Variants in SLC2A13 observed in about 807,000 individuals in gnomAD.
The protein encoded by SLC2A13 is proton myo-inositol cotransporter.
In SLC2A13, 32 loss-of-function variants were observed where a neutral mutation model predicts 64.4. The observed-to-expected ratio is 0.50, with a 90% CI of 0.37 to 0.67. The LOEUF is 0.67. Among genes scored for constraint, SLC2A13 ranks in the 30% least tolerant of loss-of-function variants. The pLI is 0.00. For synonymous variants in SLC2A13, 338 were observed against 327.1 expected, an observed-to-expected ratio of 1.03 and a Z score of -0.36; for missense variants, 743 against 829.2, an observed-to-expected ratio of 0.90 and a Z score of 1.28.
chr12:40,057,502 T>G (rs1948350310), intron 1 of SLC2A13, among the ~76,000 whole-genome samples: 1 of 152,188 alleles, frequency 6.6e-6, no homozygotes, highest in Non-Finnish European at 1.5e-5. Flanking sequence ...GAAAAATTAT[T>G]GTGACTCGAG....
chr12:39,784,887 A>G (rs1252163668), intron 7 of SLC2A13, among the ~76,000 whole-genome samples: 1 of 152,208 alleles, frequency 6.6e-6, no homozygotes, highest in African/African-American at 2.4e-5. Flanking sequence ...GGAACTTTCA[A>G]CTTGAGAGAG....
chr12:39,984,964 T>A (rs544167832), intron 3 of SLC2A13, among the ~76,000 whole-genome samples: 8 of 152,232 alleles, frequency 5.3e-5, no homozygotes, highest in Non-Finnish European at 8.8e-5. Context: ...GACAATGATT[T>A]TTATGCCCCA....
At chr12:40,036,570 T>G (rs891110608) in intron 2 of SLC2A13, among the ~76,000 whole-genome samples, 1 of 152,252 alleles carries the variant, frequency 6.6e-6, no homozygotes, top group Non-Finnish European at 1.5e-5. Context: ...TACTGTTTTG[T>G]GTCTAGCTTC....
At chr12:39,980,412 C>T (rs1946866855) in intron 3 of SLC2A13, among the ~76,000 whole-genome samples, 1 of 151,500 alleles carries the variant, frequency 6.6e-6, no homozygotes, top group South Asian at 2.1e-4. Flanking sequence ...CATCAGTGTG[C>T]TGTATTCAGG....
At chr12:39,770,414 A>AG (rs1940519635) in intron 7 of SLC2A13, among the ~76,000 whole-genome samples, 1 of 152,118 alleles carries the variant, frequency 6.6e-6, no homozygotes, top group Non-Finnish European at 1.5e-5. Flanking sequence ...TCGTGACTCT[A>AG]CCACTTAATA....
At chr12:39,968,036 A>G (rs1304426514) in intron 3 of SLC2A13, among the ~76,000 whole-genome samples, 1 of 152,174 alleles carries the variant, frequency 6.6e-6, no homozygotes, top group Non-Finnish European at 1.5e-5. Context: ...ATCTGATACA[A>G]ATTCCTATAG....
At chr12:39,856,948 C>T (rs867879427) in intron 6 of SLC2A13, among the ~76,000 whole-genome samples, 3 of 152,170 alleles carry the variant, frequency 2.0e-5, no homozygotes, top group Admixed American at 6.5e-5. Context: ...ATACACCAGA[C>T]GCTGATTCCA....
At chr12:39,996,830 A>G (rs1414222214) in intron 3 of SLC2A13, among the ~76,000 whole-genome samples, 1 of 152,206 alleles carries the variant, frequency 6.6e-6, no homozygotes, top group Non-Finnish European at 1.5e-5. Flanking sequence ...CCTAACCAAG[A>G]AGGTGAAAAA....
chr12:39,956,317 A>C (rs1565560735), intron 3 of SLC2A13, among the ~76,000 whole-genome samples: 1 of 152,196 alleles, frequency 6.6e-6, no homozygotes, highest in Non-Finnish European at 1.5e-5. Context: ...GGAATTACAA[A>C]GGGGCACCAA....
At chr12:39,971,003 T>C (rs1946637806) in intron 3 of SLC2A13, among the ~76,000 whole-genome samples, 1 of 152,178 alleles carries the variant, frequency 6.6e-6, no homozygotes, top group Admixed American at 6.5e-5. Flanking sequence ...CTTTACCAAG[T>C]GTTTAAGCCT....
At chr12:39,891,120 CTT>C (rs71075093) in intron 4 of SLC2A13, among the ~76,000 whole-genome samples, 3 of 145,672 alleles carry the variant, frequency 2.1e-5, no homozygotes, top group East Asian at 2.0e-4. Context: ...TCAAATATAC[CTT>C]TTTTTTTTTA....
intron 3 of SLC2A13, among the ~76,000 whole-genome samples, chr12:39,954,153 G>C (rs11174450): frequency 0.38 from 58,027 of 151,994 alleles, 11,371 homozygotes; most frequent in East Asian, 0.48. Flanking sequence ...AGTGATACCT[G>C]AGATTTGGGA....
chr12:40,091,104 T>C (rs187867309), intron 1 of SLC2A13, among the ~76,000 whole-genome samples: 211 of 152,294 alleles, frequency 1.4e-3, no homozygotes, highest in Middle Eastern at 6.8e-3. Flanking sequence ...CTAAATACTG[T>C]AGGCAACTGT....
rs572028384 is a variant in SLC2A13, at chr12:39,856,682, T to C, written c.1319+8080A>G. Among the ~76,000 whole-genome samples, 4 of 152,322 alleles carry C rather than the reference T, an allele frequency of 2.6e-5. No homozygotes were observed. The East Asian group carries it at 7.7e-4, about 29-fold the overall frequency. On this transcript the variant is annotated intron_variant, in intron 6 of 9. Coordinates refer to ENST00000280871, the MANE Select transcript of SLC2A13 (RefSeq NM_052885.4). ...GCGCCCAGCCCCTATGCTTTGTTTT[T>C]AAATAAACCACATTTGGTCCATAGC...
chr12:39,837,716 T>G (rs1943054041), intron 6 of SLC2A13, among the ~76,000 whole-genome samples: 1 of 152,112 alleles, frequency 6.6e-6, no homozygotes, highest in Non-Finnish European at 1.5e-5. Context: ...AAGACATTTA[T>G]ACAACCAAAA....
At chr12:40,072,220 C>T (rs1937986581) in intron 1 of SLC2A13, among the ~76,000 whole-genome samples, 1 of 152,068 alleles carries the variant, frequency 6.6e-6, no homozygotes, top group South Asian at 2.1e-4. Flanking sequence ...AGCTATCCTT[C>T]TGCTGTTGAT....
At chr12:39,991,942 C>T (rs1325586207) in intron 3 of SLC2A13, among the ~76,000 whole-genome samples, 1 of 152,174 alleles carries the variant, frequency 6.6e-6, no homozygotes, top group African/African-American at 2.4e-5. Flanking sequence ...TGCAGGCATC[C>T]TTGTTCCTCT....
intron 6 of SLC2A13, among the ~76,000 whole-genome samples, chr12:39,847,598 A>G (rs1466481413): frequency 6.6e-6 from 1 of 152,048 alleles, no homozygotes; most frequent in Non-Finnish European, 1.5e-5. Flanking sequence ...TATGAAAGAC[A>G]TTTGTATGGG....
chr12:39,918,614 G>A (rs569890312), intron 4 of SLC2A13, among the ~76,000 whole-genome samples: 1 of 152,166 alleles, frequency 6.6e-6, no homozygotes, highest in Non-Finnish European at 1.5e-5. Context: ...ACCTCCCAGA[G>A]AGCTGCTCAA....
Sources: allele counts gnomAD v4.1 joint callset (sites outside exome capture counted in the v4.1 genomes callset), GRCh38; gene constraint gnomAD v4.1.1; transcripts MANE v1.5; gene names NCBI Gene and HGNC (gene_info 2026-07-23, HGNC 2026-07-21).